Variants in MED27 observed in about 807,000 individuals in gnomAD.
The protein encoded by MED27 is mediator of RNA polymerase II transcription subunit 27.
A neutral mutation model predicts 38.2 loss-of-function variants in MED27; 30 were observed. The ratio of observed to expected loss-of-function variants is 0.79; its 90% CI spans 0.59 to 1.07. The LOEUF is 1.07. Among genes scored for constraint, MED27 ranks in the 50% least tolerant of loss-of-function variants. MED27 has a pLI of 0.00. For synonymous variants in MED27, 122 were observed against 153.5 expected, an observed-to-expected ratio of 0.79 and a Z score of 1.52; for missense variants, 289 against 397.5, an observed-to-expected ratio of 0.73 and a Z score of 2.32.
At chr9:132,071,740 G>A (rs772296647) in intron 2 of MED27, among the ~76,000 whole-genome samples, 8 of 149,934 alleles carry the variant, frequency 5.3e-5, no homozygotes, top group Non-Finnish European at 8.9e-5. Flanking sequence ...AGTAATGCAC[G>A]TCCATGAACG....
chr9:132,069,363 C>A (rs2131162506), intron 2 of MED27, among the ~76,000 whole-genome samples: 1 of 152,192 alleles, frequency 6.6e-6, no homozygotes, highest in Middle Eastern at 3.4e-3. Context: ...AATAAAGTGA[C>A]TATTTTCAGA....
intron 3 of MED27, among the ~76,000 whole-genome samples, chr9:132,007,015 T>C (rs1225618709): frequency 2.0e-5 from 3 of 152,200 alleles, no homozygotes; most frequent in Admixed American, 1.3e-4. Context: ...GGAATTAATG[T>C]GCAAGGCGGT....
chr9:131,875,122 C>T (rs1047271871), intron 6 of MED27, among the ~76,000 whole-genome samples: 3 of 152,106 alleles, frequency 2.0e-5, no homozygotes, highest in African/African-American at 7.2e-5. Context: ...TCTCGGGTGC[C>T]TTCTGGAGAT....
intron 3 of MED27, among the ~76,000 whole-genome samples, chr9:131,959,133 T>TG (rs1230844888): frequency 6.6e-6 from 1 of 152,240 alleles, no homozygotes; most frequent in Non-Finnish European, 1.5e-5. Flanking sequence ...GTTTAGATCA[T>TG]GAAATCAGGC....
At chr9:132,055,924 G>A (rs1833565839) in intron 2 of MED27, among the ~76,000 whole-genome samples, 1 of 152,136 alleles carries the variant, frequency 6.6e-6, no homozygotes, top group South Asian at 2.1e-4. Context: ...AACCCACAGA[G>A]GCAGCTGCCA....
intron 2 of MED27, among the ~76,000 whole-genome samples, chr9:132,067,230 G>C (rs547698408): frequency 1.3e-4 from 20 of 152,184 alleles, no homozygotes; most frequent in Non-Finnish European, 2.9e-4. Flanking sequence ...TGTGAGATCA[G>C]CGCCATGCCC....
chr9:132,062,487 G>GT (rs1329997079), intron 2 of MED27, among the ~76,000 whole-genome samples: 6 of 152,266 alleles, frequency 3.9e-5, no homozygotes, highest in Admixed American at 3.9e-4. Context: ...GGGCCAGCAG[G>GT]TTGAGTATGG....
intron 3 of MED27, among the ~76,000 whole-genome samples, chr9:131,994,758 G>A (rs1381366837): frequency 6.6e-6 from 1 of 152,124 alleles, no homozygotes; most frequent in Admixed American, 6.5e-5. Flanking sequence ...TTCTGACTTA[G>A]GGCAAGTTCT....
At position 131,907,558 on chromosome 9, in the gene MED27, C is replaced by T. The variant is rs113576059; in HGVS notation, c.574-13566G>A. 9.9e-3 allele frequency among the ~76,000 whole-genome samples: 1,513 copies of T among 152,272 alleles called. 26 individuals carry two copies. Among genetic ancestry groups the T allele is most frequent in the African/African-American group, 0.034 (1,420 of 41,542 alleles). On this transcript the variant is annotated intron_variant, in intron 4 of 7. Transcript: ENST00000292035. ...AGGCTGGAGTGCAGTGGCGTGATCT[C>T]GGCTGGCTACAACCTCCACCTCCCA...
At chr9:131,890,304 T>C (rs186360732) in intron 5 of MED27, among the ~76,000 whole-genome samples, 1 of 152,318 alleles carries the variant, frequency 6.6e-6, no homozygotes, top group Admixed American at 6.5e-5. Flanking sequence ...CAATTTCCAC[T>C]TTTAGGGTCC....
chr9:132,000,963 G>C (rs1319775511), intron 3 of MED27, among the ~76,000 whole-genome samples: 2 of 151,960 alleles, frequency 1.3e-5, no homozygotes, highest in African/African-American at 4.8e-5. Context: ...AGTCAGGTGT[G>C]GTGACACACA....
rs1403088417 is a variant in MED27 at position 131,997,849 on chromosome 9, C to A, written c.479+16488G>T. Among the ~76,000 whole-genome samples, 2 of 152,170 alleles carry A rather than the reference C, an allele frequency of 1.3e-5. No homozygotes were observed. Among genetic ancestry groups the A allele is most frequent in the African/African-American group, 4.8e-5 (2 of 41,418 alleles). On this transcript the variant is annotated intron_variant, in intron 3 of 7. Coordinates refer to ENST00000292035, the MANE Select transcript of MED27 (RefSeq NM_004269.4). This position sits in a 1 kb window ranked among gnomAD's most constrained non-coding sequence, Gnocchi z 4.0. ...GTTCAAACTACATGAGTGCTCTATG[C>A]GGTGGCTTTCATTATTAACCAGTCC...
At chr9:131,998,556 C>T (rs888575127) in intron 3 of MED27, among the ~76,000 whole-genome samples, 2 of 152,192 alleles carry the variant, frequency 1.3e-5, no homozygotes, top group Non-Finnish European at 2.9e-5. Context: ...CCAACGATGT[C>T]AGAGGTTCCT....
intron 2 of MED27, among the ~76,000 whole-genome samples, chr9:132,021,052 T>C (rs1832706560): frequency 6.6e-6 from 1 of 152,242 alleles, no homozygotes; most frequent in African/African-American, 2.4e-5. Context: ...CCTGCTCCAC[T>C]GTGGCATTAT....
Position 131,860,544 on chromosome 9 carries a change from C to T in MED27, c.930G>A (p.Arg310=). 6.5e-7 allele frequency: 1 copy of T among 1,530,956 alleles called. No individual in the cohort carries two copies. The highest frequency in any genetic ancestry group is 8.8e-7 in the Non-Finnish European group (1 of 1,138,546). The allele number at this position is 1,530,956 out of a possible 1,614,324, so 94.8% of individuals were successfully genotyped here. Residue 310 remains arginine (R), a synonymous_variant, in exon 8 of 8, where the codon CGG becomes CGA. Transcript: ENST00000292035. This position sits in a 1 kb window ranked among gnomAD's most constrained non-coding sequence, Gnocchi z 5.8. Reference sequence around the variant, plus strand: ...GCTGGGGCCAGCGTGGGGGCTACTGCCGGCAGGTGTCATGGAAGGCTTCGA... The same window carrying T: ...GCTGGGGCCAGCGTGGGGGCTACTGTCGGCAGGTGTCATGGAAGGCTTCGA... ...RTLEAFHDTC[R]Q
At chr9:132,045,498 A>G (rs1833316549) in intron 2 of MED27, among the ~76,000 whole-genome samples, 1 of 151,744 alleles carries the variant, frequency 6.6e-6, no homozygotes, top group South Asian at 2.1e-4. Flanking sequence ...CTAAGAAACT[A>G]TTTGCCAGCC....
At position 131,917,929 on chromosome 9, in the gene MED27, C is replaced by T. The variant is rs1830323239; in HGVS notation, c.573+21452G>A. ...TAGTACTATGCATTCACTCAACCCA[C>T]TTTTCTAAATTTTAAAAACAGTTTC... On this transcript the variant is annotated intron_variant, in intron 4 of 7. Transcript: ENST00000292035. The surrounding 1 kb of genome is among the most constrained non-coding windows in gnomAD (Gnocchi z 4.6). Among the ~76,000 whole-genome samples, 1 of 152,180 alleles carries T rather than the reference C, an allele frequency of 6.6e-6. No homozygotes were observed. The highest frequency in any genetic ancestry group is 2.4e-5 in the African/African-American group (1 of 41,442).
chr9:132,018,591 T>C (rs1262290792), intron 2 of MED27, among the ~76,000 whole-genome samples: 1 of 152,172 alleles, frequency 6.6e-6, no homozygotes, highest in Admixed American at 6.5e-5. Context: ...ATCACACCGA[T>C]CATGTTCAAT....
chr9:132,066,076 C>T lies in MED27; in HGVS notation c.348+11366G>A, dbSNP rs1475283888. On this transcript the variant is annotated intron_variant, in intron 2 of 7. Transcript: ENST00000292035. ...AGAGGTGGTGCTCAATTACTGCATG[C>T]CTGCTCTGTACTCAGTGCCAGGCAT... 4.6e-5 allele frequency among the ~76,000 whole-genome samples: 7 copies of T among 152,204 alleles called. No individual in the cohort carries two copies. The East Asian group carries it at 1.2e-3, about 25-fold the overall frequency.
Sources: gnomAD v4.1 joint callset for allele counts (sites outside exome capture counted in the v4.1 genomes callset) on GRCh38, gnomAD v4.1.1 for gene constraint, Gnocchi (gnomAD v3.1) non-coding constraint, MANE v1.5 for transcripts, NCBI Gene and HGNC (gene_info 2026-07-23, HGNC 2026-07-21) for gene names.